Variants in RHOU observed in about 807,000 individuals in gnomAD.
RHOU encodes the protein ras homolog family member U, also known as rho-related GTP-binding protein RhoU.
In RHOU, 8 loss-of-function variants were observed where a neutral mutation model predicts 12.6. That is an observed-to-expected ratio of 0.64 (90% CI 0.37 to 1.15). RHOU has a LOEUF of 1.15. RHOU is among the 50% of genes most tolerant of loss of function. The pLI is 0.01. For synonymous variants in RHOU, 161 were observed against 147.4 expected, an observed-to-expected ratio of 1.09 and a Z score of -0.67; for missense variants, 258 against 347.0, an observed-to-expected ratio of 0.74 and a Z score of 2.04.
At chr1:228,711,292 G>A in the RHOU span, among the ~76,000 whole-genome samples, 2 of 151,962 alleles carry the variant, frequency 1.3e-5, no homozygotes, top group Admixed American at 1.3e-4. Flanking sequence ...TTTCTTCACA[G>A]AATTGGAAAA....
upstream of RHOU, chr1:228,735,382 C>G: frequency 6.3e-6 from 1 of 157,494 alleles, no homozygotes; most frequent in Non-Finnish European, 1.4e-5. The surrounding 1 kb of genome is among the most constrained non-coding windows in gnomAD (Gnocchi z 8.1). Flanking sequence ...GCGCGGGGAC[C>G]GAGCCGCTCG....
At chr1:228,668,406 G>C in the RHOU span, among the ~76,000 whole-genome samples, 1 of 152,210 alleles carries the variant, frequency 6.6e-6, no homozygotes, top group Non-Finnish European at 1.5e-5. Flanking sequence ...GCCCCAAATT[G>C]CGATTGGCAT....
chr1:228,695,801 G>A, the RHOU span, among the ~76,000 whole-genome samples: 1 of 152,162 alleles, frequency 6.6e-6, no homozygotes, highest in African/African-American at 2.4e-5. Context: ...GATTCATTAT[G>A]TGGGCGTGAT....
rs1426501065 is a variant in RHOU, at chr1:228,738,304, G to A, written c.321+573G>A. ...TAACTGGGCTTATTCTATCCAAACT[G>A]TGAACGCTGGTTCTTGTCTCGAGGG... is the stretch of plus-strand genomic sequence containing the variant. On this transcript the variant is annotated intron_variant, in intron 2 of 2. Coordinates refer to ENST00000366691, the MANE Select transcript of RHOU (RefSeq NM_021205.6). The surrounding 1 kb of genome is among the most constrained non-coding windows in gnomAD (Gnocchi z 4.2). Among the ~76,000 whole-genome samples, 1 of 152,182 alleles carries A rather than the reference G, an allele frequency of 6.6e-6. No individual in the cohort carries two copies. The highest frequency in any genetic ancestry group is 1.5e-5 in the Non-Finnish European group (1 of 68,034).
chr1:228,743,752 C>T lies in RHOU; in HGVS notation c.*12C>T. 2.5e-6 allele frequency: 4 copies of T among 1,595,328 alleles called. No homozygotes were observed. The South Asian group carries it at 4.5e-5, about 18-fold the overall frequency. On this transcript the variant is annotated 3_prime_UTR_variant, in exon 3 of 3. Transcript: ENST00000366691. This position sits in a 1 kb window ranked among gnomAD's most constrained non-coding sequence, Gnocchi z 5.1. ...GCTGTTTCGTATGATGCTGGCAAGA[C>T]ACCCAGAAAGGCTATTTTCAGATGA...
In RHOU at chr1:228,737,604, T is replaced by A; in HGVS notation, c.263-69T>A. On this transcript the variant is annotated intron_variant, in intron 1 of 2. Transcript: ENST00000366691. This position sits in a 1 kb window ranked among gnomAD's most constrained non-coding sequence, Gnocchi z 4.1. ...TTGGAGTGAGAATGATAGTGAAAGC[T>A]AAAACTATTAGTATTCCGAAAGGGG... 1 of 1,431,144 alleles carries A rather than the reference T, an allele frequency of 7.0e-7. No individual in the cohort carries two copies. Among genetic ancestry groups the A allele is most frequent in the South Asian group, 1.1e-5 (1 of 87,024 alleles). The allele number at this position is 1,431,144 out of a possible 1,614,324, so 88.7% of individuals were successfully genotyped here.
intron 2 of RHOU, among the ~76,000 whole-genome samples, chr1:228,741,625 T>G (rs966802281): frequency 3.9e-5 from 6 of 152,208 alleles, no homozygotes; most frequent in African/African-American, 1.4e-4. Context: ...CTGTGTTTAT[T>G]TATTCATCAC....
the RHOU span, among the ~76,000 whole-genome samples, chr1:228,669,909 T>C: frequency 2.0e-5 from 3 of 152,194 alleles, no homozygotes; most frequent in Non-Finnish European, 4.4e-5. Context: ...AGATAGTGAT[T>C]AAAGAACGAC....
chr1:228,670,944 C>G, the RHOU span, among the ~76,000 whole-genome samples: 1 of 152,196 alleles, frequency 6.6e-6, no homozygotes, highest in Non-Finnish European at 1.5e-5. Context: ...GTCTCCTGTA[C>G]AGCCTACAGA....
At chr1:228,677,882 A>G in the RHOU span, among the ~76,000 whole-genome samples, 2 of 152,184 alleles carry the variant, frequency 1.3e-5, no homozygotes, top group South Asian at 4.1e-4. Context: ...ATTGGACTGT[A>G]TATAGGTGGG....
chr1:228,707,252 TATAGTGTGTG>T, the RHOU span, among the ~76,000 whole-genome samples: 1 of 77,150 alleles, frequency 1.3e-5, no homozygotes, highest in Non-Finnish European at 2.3e-5. Flanking sequence ...TATATATATA[TATAGTGTGTG>T]TGTGTGTGTG....
At chr1:228,679,775 G>T in the RHOU span, among the ~76,000 whole-genome samples, 2 of 151,990 alleles carry the variant, frequency 1.3e-5, no homozygotes, top group Non-Finnish European at 2.9e-5. Flanking sequence ...GGTAAGGGGT[G>T]CATCATCCAT....
the RHOU span, among the ~76,000 whole-genome samples, chr1:228,707,632 G>A: frequency 1.3e-5 from 2 of 151,966 alleles, no homozygotes; most frequent in Non-Finnish European, 2.9e-5. Flanking sequence ...AAACAGAAAG[G>A]ACATCCACAC....
the RHOU span, chr1:228,687,507 G>A: frequency 6.3e-7 from 1 of 1,582,362 alleles, no homozygotes; most frequent in Non-Finnish European, 8.6e-7. Flanking sequence ...GAACCAACGA[G>A]GTGGCCGAAT....
the RHOU span, among the ~76,000 whole-genome samples, chr1:228,649,936 GT>G: frequency 6.6e-6 from 1 of 152,132 alleles, no homozygotes; most frequent in Non-Finnish European, 1.5e-5. Flanking sequence ...TGCTTATGTT[GT>G]TTGACACAAA....
the RHOU span, among the ~76,000 whole-genome samples, chr1:228,672,429 C>G: frequency 3.3e-5 from 5 of 152,142 alleles, no homozygotes; most frequent in African/African-American, 1.2e-4. Flanking sequence ...TCCCAAAGTG[C>G]TGGGATTACA....
chr1:228,674,063 C>T, the RHOU span, among the ~76,000 whole-genome samples: 1 of 152,190 alleles, frequency 6.6e-6, no homozygotes, highest in East Asian at 1.9e-4. Flanking sequence ...TTTAGTTACT[C>T]TGGTGGAACT....
chr1:228,668,190 A>G, the RHOU span, among the ~76,000 whole-genome samples: 2 of 152,232 alleles, frequency 1.3e-5, no homozygotes, highest in Non-Finnish European at 2.9e-5. Flanking sequence ...CCCCAGCTCC[A>G]CTGGGACAGA....
chr1:228,691,085 AT>A, the RHOU span, among the ~76,000 whole-genome samples: 46,974 of 149,220 alleles, frequency 0.31, 7,585 homozygotes, highest in African/African-American at 0.38. Context: ...TCAGCTTATA[AT>A]TTTTTTTTTT....
Sources: gnomAD v4.1 joint callset for allele counts (sites outside exome capture counted in the v4.1 genomes callset) on GRCh38, gnomAD v4.1.1 for gene constraint, Gnocchi (gnomAD v3.1) non-coding constraint, MANE v1.5 for transcripts, NCBI Gene and HGNC (gene_info 2026-07-23, HGNC 2026-07-21) for gene names.